FMO1: variants seen among roughly 807,000 people sequenced by gnomAD.
FMO1 encodes flavin containing dimethylaniline monoxygenase 1.
FMO1 carries 36 observed loss-of-function variants against 45.4 expected under a neutral mutation model. The ratio of observed to expected loss-of-function variants is 0.79; its 90% CI spans 0.61 to 1.05. The LOEUF (loss-of-function observed/expected upper bound fraction) is 1.05, where lower values mean the gene tolerates loss of function less well. Among genes scored for constraint, FMO1 ranks in the 50% least tolerant of loss-of-function variants. FMO1 has a pLI of 0.00. For synonymous variants in FMO1, 228 were observed against 227.2 expected (o/e 1.00, Z -0.03); for missense variants, 615 against 640.3 (o/e 0.96, Z 0.43).
rs941582638 is a variant in FMO1 at position 171,258,327 on chromosome 1, G to T, written c.132+108G>T. On this transcript the variant is annotated intron_variant, in intron 2 of 8. Coordinates refer to ENST00000617670, the MANE Select transcript of FMO1 (RefSeq NM_001282693.2). ...GGGTTGGTGGCCTTGAGGAAGGTTA[G>T]AAATGTCTGCTGAACAGGGGACCAT... The T allele has an allele frequency of 3.7e-6, 5 of 1,338,310 alleles. No homozygotes were observed. The Admixed American group carries it at 9.7e-5, about 26-fold the overall frequency. 82.9% of individuals were successfully genotyped at this position (1,338,310 alleles called of 1,614,324 possible).
intron 4 of FMO1, 25 bp from the exon 5 acceptor site, chr1:171,278,704 G>T: frequency 6.6e-7 from 1 of 1,522,812 alleles, no homozygotes; most frequent in Non-Finnish European, 9.0e-7. Context: ...AATTCTCTGT[G>T]TGACTTCTCT....
chr1:171,260,434 C>A (rs919802601), intron 2 of FMO1, among the ~76,000 whole-genome samples: 1 of 151,978 alleles, frequency 6.6e-6, no homozygotes, highest in Admixed American at 6.6e-5. Flanking sequence ...AGGGTTAGCC[C>A]TGGCAAGGTG....
intron 2 of FMO1, among the ~76,000 whole-genome samples, chr1:171,262,256 G>A (rs563253606): frequency 2.0e-4 from 31 of 152,238 alleles, no homozygotes; most frequent in Admixed American, 3.9e-4. Flanking sequence ...TCAACATGAC[G>A]AAACCCCATC....
At chr1:171,279,556 T>C (rs749005212) in intron 5 of FMO1, among the ~76,000 whole-genome samples, 4 of 152,114 alleles carry the variant, frequency 2.6e-5, no homozygotes, top group African/African-American at 9.7e-5. Context: ...CTAACTATCC[T>C]CTTCTACCTC....
chr1:171,261,231 A>G (rs1199969549), intron 2 of FMO1, among the ~76,000 whole-genome samples: 1 of 152,102 alleles, frequency 6.6e-6, no homozygotes, highest in African/African-American at 2.4e-5. Context: ...TAAACTAGGC[A>G]ATCTTGAAGG....
chr1:171,249,813 A>G (rs1557999858), intron 1 of FMO1, among the ~76,000 whole-genome samples: 1 of 152,174 alleles, frequency 6.6e-6, no homozygotes, highest in Non-Finnish European at 1.5e-5. Flanking sequence ...GCTTCCTAGT[A>G]AATGCATAGG....
At chr1:171,273,646 T>G (rs1203405594) in intron 3 of FMO1, among the ~76,000 whole-genome samples, 1 of 152,084 alleles carries the variant, frequency 6.6e-6, no homozygotes. Context: ...TATTAATAGC[T>G]GGGACTATAG....
At chr1:171,284,740 A>G (rs1571367318) in intron 8 of FMO1, among the ~76,000 whole-genome samples, 1 of 151,532 alleles carries the variant, frequency 6.6e-6, no homozygotes, top group East Asian at 1.9e-4. Context: ...AAAAAAAAAA[A>G]AAAGAAAAAA....
intron 2 of FMO1, 112 bp from the exon 3 acceptor site, chr1:171,267,431 T>C: frequency 1.5e-6 from 1 of 652,298 alleles, no homozygotes; most frequent in East Asian, 2.7e-5. Flanking sequence ...CATGTATTTC[T>C]ATATTCTCCT....
chr1:171,269,353 G>T (rs1205594108), intron 3 of FMO1, among the ~76,000 whole-genome samples: 1 of 152,164 alleles, frequency 6.6e-6, no homozygotes, highest in Non-Finnish European at 1.5e-5. Flanking sequence ...AATGCTGATA[G>T]TGATATGAAC....
At chr1:171,271,158 A>G in intron 3 of FMO1, 2 of 872,292 alleles carry the variant, frequency 2.3e-6, no homozygotes, top group Non-Finnish European at 3.9e-6. Flanking sequence ...CCTTCTTTTC[A>G]CAAGGCTGCT....
In FMO1 at chr1:171,285,577, GTA is replaced by G. The variant is rs755242666; in HGVS notation, c.*34_*35del. 1.3e-5 allele frequency: 16 copies of G among 1,278,366 alleles called. No individual in the cohort carries two copies. Among genetic ancestry groups the G allele is most frequent in the Non-Finnish European group, 1.6e-5 (15 of 924,848 alleles). The allele number at this position is 1,278,366 out of a possible 1,614,324, so 79.2% of individuals were successfully genotyped here. On this transcript the variant is annotated 3_prime_UTR_variant, in exon 9 of 9. Coordinates refer to ENST00000617670, the MANE Select transcript of FMO1 (RefSeq NM_001282693.2). ...ATCTCCTAAATGGAAGATGCACAGA[GTA>G]GATTTACAATGCTCCAATTCCTCTC...
chr1:171,284,612 C>T (rs1235622152), intron 8 of FMO1, among the ~76,000 whole-genome samples: 7 of 151,654 alleles, frequency 4.6e-5, no homozygotes, highest in Non-Finnish European at 8.8e-5. Context: ...GTGGCTCATG[C>T]TTGTAGTCCC....
At chr1:171,265,248 A>G (rs1660566331) in intron 2 of FMO1, among the ~76,000 whole-genome samples, 2 of 150,330 alleles carry the variant, frequency 1.3e-5, no homozygotes, top group Admixed American at 1.3e-4. Flanking sequence ...AAAATTAGCC[A>G]AGCGTGGTGG....
chr1:171,284,213 T>C (rs1030004180), intron 8 of FMO1, among the ~76,000 whole-genome samples: 1 of 151,556 alleles, frequency 6.6e-6, no homozygotes, highest in Non-Finnish European at 1.5e-5. Context: ...TTTAAAATCA[T>C]TGCATCTAAG....
chr1:171,279,221 C>T (rs1017648064), intron 5 of FMO1, among the ~76,000 whole-genome samples: 1 of 151,920 alleles, frequency 6.6e-6, no homozygotes, highest in African/African-American at 2.4e-5. Context: ...TTGCCCATTC[C>T]TCTCCTTATT....
At chr1:171,268,238 C>A (rs1458481878) in intron 3 of FMO1, among the ~76,000 whole-genome samples, 1 of 152,144 alleles carries the variant, frequency 6.6e-6, no homozygotes, top group Non-Finnish European at 1.5e-5. Flanking sequence ...AGGTGCACAC[C>A]ACCACACCCA....
chr1:171,258,150 T>C lies in FMO1; in HGVS notation c.63T>C (p.Cys21=). Reference sequence around the variant, plus strand: ...GCGGCCTGGCCTCCATCAAGTGCTGTCTGGAAGAAGGACTGGAGCCCACCT... The same window carrying C: ...GCGGCCTGGCCTCCATCAAGTGCTGCCTGGAAGAAGGACTGGAGCCCACCT... ...GVSGLASIKC[C]LEEGLEPTCF... Residue 21 remains cysteine, a synonymous_variant, in exon 2 of 9, where the codon TGT becomes TGC. Transcript: ENST00000617670. 1.2e-6 allele frequency: 2 copies of C among 1,614,136 alleles called. No homozygotes were observed. The highest frequency in any genetic ancestry group is 1.7e-6 in the Non-Finnish European group (2 of 1,180,026).
chr1:171,267,481 T>C (rs1660664320), intron 2 of FMO1, 62 bp from the exon 3 acceptor site: 2 of 1,295,570 alleles, frequency 1.5e-6, no homozygotes, highest in South Asian at 1.5e-5. Flanking sequence ...GACCGGTGAG[T>C]TCTTCCCAGG....
Sources: allele counts gnomAD v4.1 joint callset (sites outside exome capture counted in the v4.1 genomes callset), GRCh38; gene constraint gnomAD v4.1.1; transcripts MANE v1.5; gene names NCBI Gene and HGNC (gene_info 2026-07-23, HGNC 2026-07-21).